The following LRP1B variants were observed in gnomAD, a reference collection of about 807,000 sequenced individuals.
LRP1B encodes LDL receptor related protein 1B.
In LRP1B, 217 loss-of-function variants were observed where a neutral mutation model predicts 556.6. The ratio of observed to expected loss-of-function variants is 0.39; its 90% CI spans 0.35 to 0.44. LRP1B has a LOEUF of 0.44. LRP1B is among the 20% of genes least tolerant of loss of function. The pLI is 1.00. For missense variants in LRP1B, 5,053 were observed against 5,620.8 expected, an observed-to-expected ratio of 0.90 and a Z score of 3.23; for synonymous variants, 2,047 against 1,865.8, an observed-to-expected ratio of 1.10 and a Z score of -2.50.
intron 41 of LRP1B, among the ~76,000 whole-genome samples, chr2:140,603,530 T>C (rs1682752797): frequency 6.6e-6 from 1 of 152,074 alleles, no homozygotes; most frequent in African/African-American, 2.4e-5. Flanking sequence ...GAATAATCCA[T>C]CCTGATTCTA....
intron 41 of LRP1B, among the ~76,000 whole-genome samples, chr2:140,681,641 A>G (rs1381203043): frequency 6.6e-6 from 1 of 152,156 alleles, no homozygotes; most frequent in Non-Finnish European, 1.5e-5. Context: ...TTAACGAAAA[A>G]AAGACTATAG....
At chr2:141,512,626 A>G (rs1360628300) in intron 2 of LRP1B, among the ~76,000 whole-genome samples, 1 of 152,162 alleles carries the variant, frequency 6.6e-6, no homozygotes, top group East Asian at 1.9e-4. Flanking sequence ...ATTTCATGTG[A>G]ACTCCTGTAT....
chr2:141,319,708 T>G (rs1687168001), intron 3 of LRP1B, among the ~76,000 whole-genome samples: 1 of 152,100 alleles, frequency 6.6e-6, no homozygotes, highest in African/African-American at 2.4e-5. Context: ...GTCAGAATAG[T>G]GTTCTTGATC....
intron 3 of LRP1B, among the ~76,000 whole-genome samples, chr2:141,266,893 G>A (rs1172672788): frequency 6.6e-6 from 1 of 152,042 alleles, no homozygotes; most frequent in Non-Finnish European, 1.5e-5. Context: ...TAATCTTTAG[G>A]TATAAGTTAT....
intron 18 of LRP1B, among the ~76,000 whole-genome samples, chr2:140,952,651 GAA>G (rs1695752948): frequency 1.3e-5 from 2 of 151,856 alleles, no homozygotes; most frequent in Non-Finnish European, 2.9e-5. Flanking sequence ...AATTAGCATA[GAA>G]AAAGAGTTTG....
intron 3 of LRP1B, among the ~76,000 whole-genome samples, chr2:141,439,896 A>G (rs1420181765): frequency 6.6e-6 from 1 of 152,204 alleles, no homozygotes; most frequent in Non-Finnish European, 1.5e-5. Context: ...GTGTCCACAT[A>G]GTGTCCAAAA....
chr2:140,326,936 TATC>T (rs1200936638), intron 79 of LRP1B, among the ~76,000 whole-genome samples: 10 of 152,232 alleles, frequency 6.6e-5, no homozygotes, highest in South Asian at 2.1e-4. Context: ...TTTGTAGAAA[TATC>T]ATCAACACAG....
chr2:140,308,264 T>C (rs957545353), intron 83 of LRP1B, among the ~76,000 whole-genome samples: 2 of 151,800 alleles, frequency 1.3e-5, no homozygotes, highest in Admixed American at 6.6e-5. Context: ...TTTATTGATA[T>C]AATTTAATGA....
At chr2:141,753,642 A>G (rs1253666217) in intron 2 of LRP1B, among the ~76,000 whole-genome samples, 1 of 151,950 alleles carries the variant, frequency 6.6e-6, no homozygotes, top group East Asian at 1.9e-4. Flanking sequence ...CCTGATTCAC[A>G]TTTTTATATG....
At chr2:141,318,449 A>T (rs1264496152) in intron 3 of LRP1B, among the ~76,000 whole-genome samples, 1 of 152,132 alleles carries the variant, frequency 6.6e-6, no homozygotes, top group African/African-American at 2.4e-5. Context: ...AAGTATGGAA[A>T]TTTTTTAATA....
intron 2 of LRP1B, among the ~76,000 whole-genome samples, chr2:141,707,053 C>T (rs1468672908): frequency 6.6e-6 from 1 of 152,052 alleles, no homozygotes; most frequent in Non-Finnish European, 1.5e-5. Flanking sequence ...GCTGAGCAAA[C>T]ATGAAGAAGT....
chr2:141,155,019 TAAAAC>T (rs904019490), intron 7 of LRP1B, among the ~76,000 whole-genome samples: 2 of 151,980 alleles, frequency 1.3e-5, no homozygotes, highest in Admixed American at 6.6e-5. Context: ...GCAGTAAAAA[TAAAAC>T]AAAAGTAGTT....
intron 7 of LRP1B, among the ~76,000 whole-genome samples, chr2:141,080,826 C>T (rs966088915): frequency 7.2e-5 from 11 of 152,114 alleles, no homozygotes; most frequent in Non-Finnish European, 1.5e-4. Flanking sequence ...TAGAAATAAA[C>T]TTCATAAGTT....
chr2:141,074,704 A>C (rs1481206390), intron 7 of LRP1B, among the ~76,000 whole-genome samples: 1 of 151,138 alleles, frequency 6.6e-6, no homozygotes, highest in Non-Finnish European at 1.5e-5. Context: ...TGGGAATCAT[A>C]AGATATAAGA....
At chr2:141,135,521 C>G (rs1042133336) in intron 7 of LRP1B, among the ~76,000 whole-genome samples, 7 of 152,092 alleles carry the variant, frequency 4.6e-5, no homozygotes, top group Admixed American at 1.3e-4. Context: ...CATGCACACG[C>G]GTGCACACAT....
Position 140,274,461 on chromosome 2 carries a change from A to G in LRP1B, c.13105T>C (p.Cys4369Arg), listed in dbSNP as rs899946603. Residue 4369 changes from cysteine (C) to arginine (R), a missense_variant, in exon 85 of 91, where the codon TGC becomes CGC. Cys to Arg is a radical substitution (Grantham distance 180). Coordinates refer to ENST00000389484, the MANE Select transcript of LRP1B (RefSeq NM_018557.3). ...TCTTCACTGTCTTTATTTATAATGCAGTGCCCCCCATGGCACCTTACACAC... is the reference window on the plus strand; with the variant it reads ...TCTTCACTGTCTTTATTTATAATGCGGTGCCCCCCATGGCACCTTACACAC... ...DKCVRCHGGH[C>R]IINKDSEDIF... 3 of 1,612,654 alleles carry G rather than the reference A, an allele frequency of 1.9e-6. No individual in the cohort carries two copies. Among genetic ancestry groups the G allele is most frequent in the Non-Finnish European group, 2.5e-6 (3 of 1,179,076 alleles).
At chr2:141,575,665 A>G in intron 2 of LRP1B, among the ~76,000 whole-genome samples, 1 of 152,182 alleles carries the variant, frequency 6.6e-6, no homozygotes, top group Non-Finnish European at 1.5e-5. Context: ...TGAACAGACA[A>G]TCTACAGAAT....
At chr2:141,761,879 T>C (rs1694564580) in intron 2 of LRP1B, among the ~76,000 whole-genome samples, 1 of 152,172 alleles carries the variant, frequency 6.6e-6, no homozygotes, top group Non-Finnish European at 1.5e-5. Flanking sequence ...ATGTTTTCCT[T>C]CAACATTTAA....
At chr2:140,289,831 T>G (rs980245489) in intron 84 of LRP1B, among the ~76,000 whole-genome samples, 2 of 152,048 alleles carry the variant, frequency 1.3e-5, no homozygotes, top group Admixed American at 6.6e-5. Context: ...TTCACATTGA[T>G]TAAAATCTAA....
Sources: gnomAD v4.1 joint callset for allele counts (sites outside exome capture counted in the v4.1 genomes callset) on GRCh38, gnomAD v4.1.1 for gene constraint, MANE v1.5 for transcripts, NCBI Gene and HGNC (gene_info 2026-07-23, HGNC 2026-07-21) for gene names.